Variants in UAP1L1 observed in about 807,000 individuals in gnomAD.
UAP1L1 encodes UDP-N-acetylhexosamine pyrophosphorylase-like protein 1.
Under a neutral mutation model 45.3 loss-of-function variants are expected in UAP1L1, and 45 were observed. That is an observed-to-expected ratio of 0.99 (90% confidence interval 0.78 to 1.27). UAP1L1 has a LOEUF of 1.27. Ranked by LOEUF, UAP1L1 falls within the 50% of genes most tolerant of loss-of-function variation. The pLI, the probability that UAP1L1 is intolerant of heterozygous loss-of-function variation, is 0.00. For missense variants in UAP1L1, 667 were observed against 694.0 expected, an observed-to-expected ratio of 0.96 and a Z score of 0.44; for synonymous variants, 323 against 303.9, an observed-to-expected ratio of 1.06 and a Z score of -0.65.
intron 7 of UAP1L1, among the ~76,000 whole-genome samples, chr9:137,081,405 G>C (rs371142648): frequency 9.0e-4 from 136 of 151,446 alleles, no homozygotes; most frequent in African/African-American, 3.1e-3. Flanking sequence ...GTAGAGACAG[G>C]GTTTCACCGT....
rs201087487 is a variant in UAP1L1 at position 137,079,490 on chromosome 9, G to A, written c.1037+41G>A. On this transcript the variant is annotated intron_variant, in intron 5 of 8. Coordinates refer to ENST00000409858, the MANE Select transcript of UAP1L1 (RefSeq NM_207309.3). ...TGGCTGCGGATTGCCGGCCAGAGCC[G>A]CCTGCGTTGACCAGGGACCCGCGGG... is the stretch of plus-strand genomic sequence containing the variant. 64 of 1,546,372 alleles carry A rather than the reference G, an allele frequency of 4.1e-5. No individual in the cohort carries two copies. In the Admixed American group the frequency reaches 4.5e-4, roughly 11 times the overall value.
Position 137,079,447 on chromosome 9 carries a change from C to G in UAP1L1, c.1035C>G (p.Thr345=). The stretch of plus-strand genomic sequence containing the variant: ...CCCGAGGCTTCCTTAAGGCGGTCAC[C>G]AGGTGTGCGGCAGCAGGTGGCTGCG... ...FFTRGFLKAV[T]REFEPLLKPH... is the part of the protein sequence containing the mutation. The change falls in exon 5 of 9, where the codon ACC becomes ACG. Residue 345 remains threonine, a splice_region_variant and synonymous_variant. Coordinates refer to ENST00000409858, the MANE Select transcript of UAP1L1 (RefSeq NM_207309.3). 6.3e-7 allele frequency: 1 copy of G among 1,583,112 alleles called. No homozygotes were observed.
chr9:137,079,529 G>A, intron 5 of UAP1L1, 80 bp downstream of exon 5: 2 of 1,403,058 alleles, frequency 1.4e-6, no homozygotes, highest in South Asian at 1.4e-5. Flanking sequence ...CCAGTGAGCT[G>A]AGTGCCCTGG....
At chr9:137,080,929 A>C in intron 7 of UAP1L1, 55 bp downstream of exon 7, 1 of 1,459,522 alleles carries the variant, frequency 6.9e-7, no homozygotes, top group Non-Finnish European at 9.0e-7. Context: ...TCAGGACCCA[A>C]TCTTCAGCTC....
Position 137,079,239 on chromosome 9 carries a change from C to T in UAP1L1, c.844-17C>T, listed in dbSNP as rs1417556819. The T allele has an allele frequency of 1.2e-5, 19 of 1,605,946 alleles. No homozygotes were observed. The highest frequency in any genetic ancestry group is 2.2e-5 in the South Asian group (2 of 90,514). ...CTCCGCCCAGCCCTCGGAACCCATCCCTGGTCTTGGCTGCAGGTGGTGGAA... is the reference window on the plus strand; with the variant it reads ...CTCCGCCCAGCCCTCGGAACCCATCTCTGGTCTTGGCTGCAGGTGGTGGAA... On this transcript the variant is annotated splice_polypyrimidine_tract_variant and intron_variant, in intron 4 of 8. Transcript: ENST00000409858.
In UAP1L1 at chr9:137,078,220, G is replaced by A. The variant is rs759763823; in HGVS notation, c.460G>A (p.Gly154Ser). 3,064 of 1,547,398 alleles carry A rather than the reference G, an allele frequency of 2.0e-3. 9 individuals are homozygous for A. The highest frequency in any genetic ancestry group is 2.5e-3 in the Admixed American group (126 of 50,896). The change falls in exon 2 of 9, where the codon GGT becomes AGT. Residue 154 changes from glycine to serine, a missense_variant. Physicochemically the swap from Gly to Ser is moderately conservative, Grantham distance 56 (BLOSUM62 0). Coordinates refer to ENST00000409858, the MANE Select transcript of UAP1L1 (RefSeq NM_207309.3). ...GATTCGGCGGGTGGAGCAGCTGGCC[G>A]GTGAGCGCCACGGGACCCGCTGCAC... ...ERIRRVEQLA[G>S]ERHGTRCTVP... is the part of the protein sequence containing the mutation.
At chr9:137,078,014 G>T in intron 1 of UAP1L1, 36 bp from the exon 2 acceptor site, 1 of 1,542,556 alleles carries the variant, frequency 6.5e-7, no homozygotes, top group Non-Finnish European at 8.7e-7. Flanking sequence ...GGGTGGGCGG[G>T]TCCCGGGCGT....
intron 4 of UAP1L1, 24 bp downstream of exon 4, chr9:137,079,172 C>G: frequency 6.3e-7 from 1 of 1,599,194 alleles, no homozygotes; most frequent in Non-Finnish European, 8.5e-7. Context: ...TGCGCGGCGC[C>G]CCGCACCCGA....
intron 6 of UAP1L1, 146 bp downstream of exon 6, chr9:137,080,288 C>A: frequency 9.3e-7 from 1 of 1,074,700 alleles, no homozygotes; most frequent in Non-Finnish European, 1.4e-6. Context: ...AGAGGGTGCT[C>A]TTGGCCCTGA....
chr9:137,080,688 G>A lies in UAP1L1; in HGVS notation c.1179-1G>A. On this transcript the variant is annotated splice_acceptor_variant, in intron 6 of 8. Transcript: ENST00000409858. LOFTEE classifies it high-confidence loss of function. ...TGGGTGACTAGCCCTTTCCCCACCA[G>A]GAACTTTGCTGCCTTGGAAGTGCTG... The A allele has an allele frequency of 6.2e-7, 1 of 1,608,770 alleles. No individual in the cohort carries two copies. Among genetic ancestry groups the A allele is most frequent in the Non-Finnish European group, 8.5e-7 (1 of 1,177,704 alleles).
Position 137,082,598 on chromosome 9 carries a change from A to C in UAP1L1, c.1432-39A>C. On this transcript the variant is annotated intron_variant, in intron 8 of 8. Transcript: ENST00000409858. The surrounding 1 kb of genome is among the most constrained non-coding windows in gnomAD (Gnocchi z 5.7). The stretch of plus-strand genomic sequence containing the variant: ...GGCCAGAGGGGCTGTGACCCGCCAA[A>C]AGGTGGGTACTTGGCCATTGTCCCC... 6.6e-7 allele frequency: 1 copy of C among 1,504,434 alleles called. No individual in the cohort carries two copies. The highest frequency in any genetic ancestry group is 1.2e-5 in the South Asian group (1 of 83,072). 93.2% of individuals were successfully genotyped at this position (1,504,434 alleles called of 1,614,324 possible).
chr9:137,081,362 C>T (rs942932157), intron 7 of UAP1L1, among the ~76,000 whole-genome samples: 2 of 150,642 alleles, frequency 1.3e-5, no homozygotes, highest in African/African-American at 4.9e-5. Context: ...CCACCACGCC[C>T]GGCTCATTTT....
chr9:137,080,035 T>C lies in UAP1L1; in HGVS notation c.1071T>C (p.Ala357=). 1.9e-6 allele frequency: 3 copies of C among 1,614,100 alleles called. No homozygotes were observed. Among genetic ancestry groups the C allele is most frequent in the Non-Finnish European group, 2.5e-6 (3 of 1,179,974 alleles). Residue 357 remains alanine (A), a synonymous_variant, in exon 6 of 9, where the codon GCT becomes GCC. Coordinates refer to ENST00000409858, the MANE Select transcript of UAP1L1 (RefSeq NM_207309.3). ...EFEPLLKPHV[A]VKKVPYVDEE... is the part of the protein sequence containing the mutation. The stretch of plus-strand genomic sequence containing the variant: ...AGCCTTTGCTGAAGCCACACGTGGC[T>C]GTGAAGAAGGTCCCGTATGTGGATG...
At position 137,084,533 on chromosome 9, in the gene UAP1L1, A is replaced by G. The variant is rs1832840658; in HGVS notation, c.*1804A>G. Reference sequence around the variant, plus strand: ...ATTTCCAATAAACACAAGGTGCCGTAATTGACTGCTACTCTGGCAAGTGCA... The same window carrying G: ...ATTTCCAATAAACACAAGGTGCCGTGATTGACTGCTACTCTGGCAAGTGCA... On this transcript the variant is annotated 3_prime_UTR_variant, in exon 9 of 9. Transcript: ENST00000409858. 1 of 152,210 alleles carries G rather than the reference A, an allele frequency of 6.6e-6. No individual in the cohort carries two copies. The highest frequency in any genetic ancestry group is 1.5e-5 in the Non-Finnish European group (1 of 68,058). 9.4% of individuals were successfully genotyped at this position (152,210 alleles called of 1,614,324 possible).
At chr9:137,080,973 G>A in intron 7 of UAP1L1, 99 bp downstream of exon 7, 1 of 1,244,636 alleles carries the variant, frequency 8.0e-7, no homozygotes, top group Non-Finnish European at 1.1e-6. Context: ...AGCCATGCTG[G>A]GGAGGGGTCT....
intron 2 of UAP1L1, 54 bp from the exon 3 acceptor site, chr9:137,078,448 T>C (rs10870176): frequency 0.34 from 551,229 of 1,610,154 alleles, 101,350 homozygotes; most frequent in Non-Finnish European, 0.38. Context: ...CCGAGCCCCG[T>C]CTGCCTGCAG....
Position 137,082,588 on chromosome 9 carries a change from G to T in UAP1L1, c.1432-49G>T. The T allele has an allele frequency of 6.9e-7, 1 of 1,457,634 alleles. No homozygotes were observed. Among genetic ancestry groups the T allele is most frequent in the South Asian group, 1.2e-5 (1 of 81,998 alleles). The allele number at this position is 1,457,634 out of a possible 1,614,324, so 90.3% of individuals were successfully genotyped here. The stretch of plus-strand genomic sequence containing the variant: ...CTCTTGGTGTGGCCAGAGGGGCTGT[G>T]ACCCGCCAAAAGGTGGGTACTTGGC... On this transcript the variant is annotated intron_variant, in intron 8 of 8. Transcript: ENST00000409858. The surrounding 1 kb of genome is among the most constrained non-coding windows in gnomAD (Gnocchi z 5.7).
intron 5 of UAP1L1, chr9:137,079,724 G>GCCGC: frequency 1.7e-6 from 1 of 584,678 alleles, no homozygotes; most frequent in East Asian, 2.9e-5. Context: ...ACCTGCCCTG[G>GCCGC]TGCCCAGGGT....
rs1365089547 is a variant in UAP1L1, at chr9:137,077,598, C to G, written c.66C>G (p.Phe22Leu). ...QRAGQEHLLR[F>L]WAELAPEPRA... ...CTGGCCAGGAGCACCTCCTGCGCTTCTGGGCCGAGCTGGCGCCGGAGCCAC... is the reference window on the plus strand; with the variant it reads ...CTGGCCAGGAGCACCTCCTGCGCTTGTGGGCCGAGCTGGCGCCGGAGCCAC... Residue 22 changes from phenylalanine to leucine, a missense_variant, in exon 1 of 9, where the codon TTC (phenylalanine) becomes TTG (leucine). Transcript: ENST00000409858. This position sits in a 1 kb window ranked among gnomAD's most constrained non-coding sequence, Gnocchi z 4.7. The G allele has an allele frequency of 2.9e-6, 4 of 1,358,742 alleles. No homozygotes were observed. The Admixed American group carries it at 1.1e-4, about 38-fold the overall frequency. 84.2% of individuals were successfully genotyped at this position (1,358,742 alleles called of 1,614,324 possible).
Sources: allele counts gnomAD v4.1 joint callset (sites outside exome capture counted in the v4.1 genomes callset), GRCh38; gene constraint gnomAD v4.1.1; non-coding constraint Gnocchi (gnomAD v3.1); transcripts MANE v1.5; gene names NCBI Gene and HGNC (gene_info 2026-07-23, HGNC 2026-07-21).